COL9A1: variants seen among roughly 807,000 people sequenced by gnomAD.
COL9A1 encodes the protein collagen type IX alpha 1 chain, also known as collagen alpha-1(IX) chain.
A neutral mutation model predicts 142.6 loss-of-function variants in COL9A1; 104 were observed. That is an observed-to-expected ratio of 0.73 (90% CI 0.62 to 0.86). COL9A1 has a LOEUF of 0.86. Ranked by LOEUF, COL9A1 falls within the 40% of genes least tolerant of loss-of-function variation. The pLI is 0.00. For missense variants in COL9A1, 1,210 were observed against 1,176.6 expected (o/e 1.03, Z -0.42); for synonymous variants, 466 against 396.0 (o/e 1.18, Z -2.10).
chr6:70,285,900 A>AT (rs951586043), intron 5 of COL9A1, among the ~76,000 whole-genome samples: 6 of 151,138 alleles, frequency 4.0e-5, no homozygotes, highest in African/African-American at 7.3e-5. Flanking sequence ...TTTCTTTTTT[A>AT]TTTTTTTTAG....
intron 5 of COL9A1, among the ~76,000 whole-genome samples, chr6:70,286,962 G>A (rs1773475145): frequency 6.6e-6 from 1 of 152,180 alleles, no homozygotes; most frequent in Non-Finnish European, 1.5e-5. Flanking sequence ...CACCATGAAA[G>A]ACACAAAAAT....
Position 70,294,571 on chromosome 6 carries a change from A to C in COL9A1, c.300-8T>G, listed in dbSNP as rs1402665528. The C allele has an allele frequency of 3.1e-6, 5 of 1,613,326 alleles. No individual in the cohort carries two copies. Among genetic ancestry groups the C allele is most frequent in the Non-Finnish European group, 4.2e-6 (5 of 1,179,556 alleles). ...CCACTGGGATATAAATTCCTGAGTA[A>C]AATTTTTAAATAGTAAACATGCATC... On this transcript the variant is annotated splice_region_variant and splice_polypyrimidine_tract_variant and intron_variant, in intron 4 of 37. Transcript: ENST00000357250.
At chr6:70,280,689 T>G in intron 10 of COL9A1, 123 bp downstream of exon 10, 2 of 1,391,872 alleles carry the variant, frequency 1.4e-6, no homozygotes, top group Non-Finnish European at 2.0e-6. Flanking sequence ...GAGGCCAAGT[T>G]TAGAGCCACA....
intron 5 of COL9A1, among the ~76,000 whole-genome samples, chr6:70,285,312 C>T (rs1041517533): frequency 1.3e-5 from 2 of 152,196 alleles, no homozygotes; most frequent in Admixed American, 1.3e-4. Context: ...ATAAACATCA[C>T]CTACACGCTA....
intron 28 of COL9A1, among the ~76,000 whole-genome samples, chr6:70,243,086 C>T (rs1261207544): frequency 6.6e-6 from 1 of 152,224 alleles, no homozygotes; most frequent in Non-Finnish European, 1.5e-5. Context: ...GTGCCTAGAA[C>T]ACAGAATAAA....
intron 13 of COL9A1, 125 bp from the exon 14 acceptor site, chr6:70,271,833 A>G (rs1403765168): frequency 5.7e-6 from 6 of 1,059,758 alleles, no homozygotes; most frequent in Non-Finnish European, 8.4e-6. Context: ...CAATGACACA[A>G]TAACTCATTT....
At chr6:70,263,099 C>A in intron 19 of COL9A1, 145 bp downstream of exon 19, 1 of 571,752 alleles carries the variant, frequency 1.7e-6, no homozygotes, top group South Asian at 2.9e-5. Context: ...GTAGTTATCC[C>A]CCAGTGCTGG....
chr6:70,276,120 T>C lies in COL9A1; in HGVS notation c.976-1348A>G, dbSNP rs573301396. On this transcript the variant is annotated intron_variant, in intron 10 of 37. Coordinates refer to ENST00000357250, the MANE Select transcript of COL9A1 (RefSeq NM_001851.6). ...ATATTAAACACACACAAAAGAACTTTTGACAGACTGCCTTTGATTTTCAAT... is the reference window on the plus strand; with the variant it reads ...ATATTAAACACACACAAAAGAACTTCTGACAGACTGCCTTTGATTTTCAAT... Among the ~76,000 whole-genome samples the C allele has an allele frequency of 5.3e-5, 8 of 152,300 alleles. No homozygotes were observed. In the South Asian group the frequency reaches 1.7e-3, roughly 32 times the overall value.
intron 37 of COL9A1, among the ~76,000 whole-genome samples, chr6:70,218,046 G>T (rs1768636669): frequency 6.6e-6 from 1 of 152,188 alleles, no homozygotes; most frequent in South Asian, 2.1e-4. Context: ...AGGAGGCTGA[G>T]GCAGGAGAAT....
intron 24 of COL9A1, 164 bp downstream of exon 24, chr6:70,254,799 T>C (rs1771170467): frequency 1.3e-6 from 1 of 749,028 alleles, no homozygotes; most frequent in Non-Finnish European, 2.3e-6. Flanking sequence ...TATACTATTC[T>C]AGTAAGTATT....
At position 70,241,278 on chromosome 6, in the gene COL9A1, T is replaced by C. The variant is rs1489501622; in HGVS notation, c.2034+141A>G. Reference sequence around the variant, plus strand: ...GCTGCGGACCAAACTCAACACCAGGTTTCACTCACTATGAACACATTGAGA... The same window carrying C: ...GCTGCGGACCAAACTCAACACCAGGCTTCACTCACTATGAACACATTGAGA... On this transcript the variant is annotated intron_variant, in intron 31 of 37. Coordinates refer to ENST00000357250, the MANE Select transcript of COL9A1 (RefSeq NM_001851.6). 3 of 738,318 alleles carry C rather than the reference T, an allele frequency of 4.1e-6. No individual in the cohort carries two copies. In the African/African-American group the frequency reaches 5.2e-5, roughly 13 times the overall value. 45.7% of individuals were successfully genotyped at this position (738,318 alleles called of 1,614,324 possible). A position where few individuals can be genotyped will look rare whatever the true frequency, so the allele number is the denominator to read the frequency against.
At chr6:70,292,228 T>A (rs1327506326) in intron 5 of COL9A1, among the ~76,000 whole-genome samples, 1 of 152,158 alleles carries the variant, frequency 6.6e-6, no homozygotes. Flanking sequence ...TCCACCATCA[T>A]CAGCCAATGA....
chr6:70,215,707 A>G (rs1768458491), downstream of COL9A1: 1 of 152,240 alleles, frequency 6.6e-6, no homozygotes, highest in African/African-American at 2.4e-5. Flanking sequence ...CATGTTTACA[A>G]TAAAGTTCTG....
At chr6:70,295,281 C>CTT (rs1171549562) in intron 4 of COL9A1, among the ~76,000 whole-genome samples, 5,276 of 63,180 alleles carry the variant, frequency 0.084, 1,343 homozygotes, top group East Asian at 0.32. Flanking sequence ...GTTGTTGCTT[C>CTT]TTTTTTTTTT....
At chr6:70,290,669 C>A (rs1045463271) in intron 5 of COL9A1, among the ~76,000 whole-genome samples, 1 of 151,982 alleles carries the variant, frequency 6.6e-6, no homozygotes, top group East Asian at 1.9e-4. Flanking sequence ...AATGTGGTTT[C>A]CAATTGCATT....
intron 36 of COL9A1, among the ~76,000 whole-genome samples, chr6:70,231,168 C>T (rs1025827171): frequency 5.9e-5 from 9 of 152,122 alleles, no homozygotes; most frequent in African/African-American, 1.7e-4. Context: ...CTGGTGACTC[C>T]GCTGCTCCGG....
Position 70,302,974 on chromosome 6 carries a change from T to A in COL9A1, c.-50A>T. On this transcript the variant is annotated 5_prime_UTR_variant, in exon 1 of 38. Coordinates refer to ENST00000357250, the MANE Select transcript of COL9A1 (RefSeq NM_001851.6). ...GCCAACAGTCCCTATGAAGAAGGGG[T>A]TGGAAGGGAGTCACTGTCCCCTCAC... 5 of 1,596,914 alleles carry A rather than the reference T, an allele frequency of 3.1e-6. No individual in the cohort carries two copies. Among genetic ancestry groups the A allele is most frequent in the Non-Finnish European group, 4.3e-6 (5 of 1,164,448 alleles).
At chr6:70,260,546 C>T (rs1245939920) in intron 20 of COL9A1, 111 bp downstream of exon 20, 10 of 840,380 alleles carry the variant, frequency 1.2e-5, no homozygotes, top group Non-Finnish European at 1.8e-5. Flanking sequence ...GAAACTCCAT[C>T]TCAAAAAAAA....
At chr6:70,236,858 G>A (rs1046194876) in intron 33 of COL9A1, among the ~76,000 whole-genome samples, 3 of 148,808 alleles carry the variant, frequency 2.0e-5, no homozygotes, top group Non-Finnish European at 3.0e-5. Flanking sequence ...TTTTGCTCTT[G>A]TTGCCCAGGC....
Sources: allele counts gnomAD v4.1 joint callset (sites outside exome capture counted in the v4.1 genomes callset), GRCh38; gene constraint gnomAD v4.1.1; transcripts MANE v1.5; gene names NCBI Gene and HGNC (gene_info 2026-07-23, HGNC 2026-07-21).